The following PTPRM variants were observed in gnomAD, a reference collection of about 807,000 sequenced individuals.
PTPRM encodes receptor-type tyrosine-protein phosphatase mu.
Under a neutral mutation model 186.7 loss-of-function variants are expected in PTPRM, and 47 were observed. The observed-to-expected ratio is 0.25, with a 90% CI of 0.20 to 0.32. The LOEUF is 0.32. PTPRM is among the 10% of genes least tolerant of loss of function. The pLI, the probability that PTPRM is intolerant of heterozygous loss-of-function variation, is 1.00. For missense variants in PTPRM, 1,494 were observed against 1,865.0 expected (o/e 0.80, Z 3.66); for synonymous variants, 668 against 674.9 (o/e 0.99, Z 0.16).
At chr18:8,317,131 A>G (rs1236520141) in intron 21 of PTPRM, among the ~76,000 whole-genome samples, 1 of 151,776 alleles carries the variant, frequency 6.6e-6, no homozygotes, top group Non-Finnish European at 1.5e-5. Context: ...GCTGGGAGGG[A>G]AGTGAACTGC....
intron 2 of PTPRM, among the ~76,000 whole-genome samples, chr18:7,835,351 A>C (rs1380506579): frequency 6.6e-6 from 1 of 152,076 alleles, no homozygotes; most frequent in Non-Finnish European, 1.5e-5. Context: ...CTGGTCATTC[A>C]GAAACATTTT....
At chr18:8,186,102 CAGATCACG>C (rs2093637787) in intron 14 of PTPRM, among the ~76,000 whole-genome samples, 1 of 151,950 alleles carries the variant, frequency 6.6e-6, no homozygotes, top group Middle Eastern at 3.2e-3. Flanking sequence ...CTGAGGCAGG[CAGATCACG>C]AGGTCAAGAG....
chr18:8,319,974 G>A (rs1011044789), intron 22 of PTPRM, among the ~76,000 whole-genome samples: 9 of 152,104 alleles, frequency 5.9e-5, no homozygotes, highest in African/African-American at 2.2e-4. Flanking sequence ...GCAGATGGTG[G>A]GGGTCATGAG....
Position 8,244,172 on chromosome 18 carries a change from T to C in PTPRM, c.2415T>C (p.Ala805=). The part of the protein sequence containing the change: ...YAEQGTNCDE[A]FSFMDTHNLN... Reference sequence around the variant, plus strand: ...AGCAGGGCACAAACTGCGACGAGGCTTTCTCATTCATGGACACGCACAATC... The same window carrying C: ...AGCAGGGCACAAACTGCGACGAGGCCTTCTCATTCATGGACACGCACAATC... The change falls in exon 15 of 33, where the codon GCT becomes GCC. Residue 805 remains alanine (A), a synonymous_variant. Transcript: ENST00000580170. 5.0e-6 allele frequency: 8 copies of C among 1,595,168 alleles called. No homozygotes were observed. The highest frequency in any genetic ancestry group is 6.8e-6 in the Non-Finnish European group (8 of 1,173,352).
At chr18:8,256,980 C>T (rs1057139946) in intron 19 of PTPRM, among the ~76,000 whole-genome samples, 9 of 152,128 alleles carry the variant, frequency 5.9e-5, no homozygotes, top group Non-Finnish European at 1.0e-4. Context: ...CTGTACATGG[C>T]GCCAGGGATA....
intron 14 of PTPRM, among the ~76,000 whole-genome samples, chr18:8,191,914 GA>G (rs992745874): frequency 7.9e-5 from 12 of 151,736 alleles, no homozygotes; most frequent in African/African-American, 2.7e-4. Flanking sequence ...AACCTACAGG[GA>G]AAAAAAGATT....
In PTPRM at chr18:7,760,610, A is replaced by C. The variant is rs558494886; in HGVS notation, c.74-13539A>C. ...GGACTGAGACCCAGAAAGGAAAGGA[A>C]ACCCACAGTTAACTATTTACTAGGT... On this transcript the variant is annotated intron_variant, in intron 1 of 32. Transcript: ENST00000580170. 2.0e-5 allele frequency among the ~76,000 whole-genome samples: 3 copies of C among 152,290 alleles called. No homozygotes were observed. The South Asian group carries it at 6.2e-4, about 32-fold the overall frequency.
chr18:7,930,934 A>G (rs188288947), intron 5 of PTPRM, among the ~76,000 whole-genome samples: 490 of 152,158 alleles, frequency 3.2e-3, no homozygotes, highest in African/African-American at 0.011. Context: ...TGGACCACAC[A>G]GGTTATGTTG....
chr18:7,747,293 C>A (rs779207102), intron 1 of PTPRM, among the ~76,000 whole-genome samples: 1 of 152,142 alleles, frequency 6.6e-6, no homozygotes, highest in East Asian at 1.9e-4. Context: ...AGAGATGCAC[C>A]ACATGGCTTG....
At chr18:8,349,192 C>T (rs2148308565) in intron 23 of PTPRM, among the ~76,000 whole-genome samples, 1 of 152,250 alleles carries the variant, frequency 6.6e-6, no homozygotes, top group South Asian at 2.1e-4. Flanking sequence ...AGCCACCAGA[C>T]CCAGGATCAA....
intron 14 of PTPRM, among the ~76,000 whole-genome samples, chr18:8,156,852 T>C (rs969517471): frequency 3.3e-5 from 5 of 152,140 alleles, no homozygotes; most frequent in Non-Finnish European, 7.4e-5. Flanking sequence ...TTTCGTATCC[T>C]CCTTTGCAGA....
chr18:8,244,119 G>T lies in PTPRM; in HGVS notation c.2362G>T (p.Val788Leu), dbSNP rs2094456338. Residue 788 changes from valine to leucine, a missense_variant, in exon 15 of 33, where the codon GTG becomes TTG. Transcript: ENST00000580170. ...SSTRQEMTVM[V>L]NSMDKSYAEQ... is the part of the protein sequence containing the mutation. ...CACCCGACAGGAGATGACTGTGATG[G>T]TGAACTCAATGGACAAGAGCTATGC... 7 of 1,610,186 alleles carry T rather than the reference G, an allele frequency of 4.3e-6. No homozygotes were observed. Among genetic ancestry groups the T allele is most frequent in the Non-Finnish European group, 5.1e-6 (6 of 1,178,752 alleles).
intron 28 of PTPRM, among the ~76,000 whole-genome samples, chr18:8,379,800 G>T (rs1725439623): frequency 6.6e-6 from 1 of 152,124 alleles, no homozygotes; most frequent in Non-Finnish European, 1.5e-5. Context: ...TGCTAACACG[G>T]AAATTTTAAT....
intron 13 of PTPRM, among the ~76,000 whole-genome samples, chr18:8,128,504 C>T (rs964012797): frequency 6.6e-6 from 1 of 152,098 alleles, no homozygotes; most frequent in Non-Finnish European, 1.5e-5. Context: ...AAATTTTATT[C>T]TTTCTGCAAT....
chr18:8,267,205 T>G (rs939554806), intron 19 of PTPRM, among the ~76,000 whole-genome samples: 1 of 152,210 alleles, frequency 6.6e-6, no homozygotes, highest in African/African-American at 2.4e-5. Flanking sequence ...ACTAAGTATA[T>G]TTTAAGCTTA....
Position 8,365,020 on chromosome 18 carries a change from A to G in PTPRM, c.3055-5870A>G, listed in dbSNP as rs533994817. ...GGAAAAAGGAGGATGATGGTTTCAG[A>G]GCATGCATTCTGCTCTCCTGCCCAC... is the stretch of plus-strand genomic sequence containing the variant. On this transcript the variant is annotated intron_variant, in intron 23 of 32. Coordinates refer to ENST00000580170, the MANE Select transcript of PTPRM (RefSeq NM_001105244.2). 4 of 152,338 alleles carry G rather than the reference A, an allele frequency of 2.6e-5. No individual in the cohort carries two copies. In the East Asian group the frequency reaches 7.7e-4, roughly 29 times the overall value. The allele number at this position is 152,338 out of a possible 1,614,324, so 9.4% of individuals were successfully genotyped here.
Position 8,319,186 on chromosome 18 carries a change from T to C in PTPRM, c.2928T>C (p.His976=). The C allele has an allele frequency of 6.4e-7, 1 of 1,556,056 alleles. No individual in the cohort carries two copies. Among genetic ancestry groups the C allele is most frequent in the Non-Finnish European group, 8.8e-7 (1 of 1,131,558 alleles). ...YINGNYIDGY[H]RPNHYIATQG... is the part of the protein sequence containing the mutation. ...CTTTTATTTATTTTTAGGGTTATCATCGACCCAATCATTACATTGCTACCC... is the reference window on the plus strand; with the variant it reads ...CTTTTATTTATTTTTAGGGTTATCACCGACCCAATCATTACATTGCTACCC... Residue 976 remains histidine, a synonymous_variant, in exon 22 of 33, where the codon CAT becomes CAC. Coordinates refer to ENST00000580170, the MANE Select transcript of PTPRM (RefSeq NM_001105244.2).
intron 3 of PTPRM, among the ~76,000 whole-genome samples, chr18:7,891,876 A>C (rs113064303): frequency 0.021 from 3,186 of 152,296 alleles, 109 homozygotes; most frequent in African/African-American, 0.071. Flanking sequence ...CCCTGTCTCA[A>C]AAAAGGAAAA....
rs550065438 is a variant in PTPRM, at chr18:7,750,245, C to T, written c.74-23904C>T. Among the ~76,000 whole-genome samples, 23 of 152,206 alleles carry T rather than the reference C, an allele frequency of 1.5e-4. 1 individual carries two copies. In the East Asian group the frequency reaches 2.3e-3, roughly 15 times the overall value. Reference sequence around the variant, plus strand: ...TAAATTTAAGTTTATATCCTCTTTTCGCTTTTACATTCTGTTGTTTCATTT... The same window carrying T: ...TAAATTTAAGTTTATATCCTCTTTTTGCTTTTACATTCTGTTGTTTCATTT... On this transcript the variant is annotated intron_variant, in intron 1 of 32. Transcript: ENST00000580170.
Sources: gnomAD v4.1 joint callset for allele counts (sites outside exome capture counted in the v4.1 genomes callset) on GRCh38, gnomAD v4.1.1 for gene constraint, MANE v1.5 for transcripts, NCBI Gene and HGNC (gene_info 2026-07-23, HGNC 2026-07-21) for gene names.